The following SLCO1B1 variants were observed in gnomAD, a reference collection of about 807,000 sequenced individuals.
SLCO1B1 encodes the protein OATP-2.
Under a neutral mutation model 70.1 loss-of-function variants are expected in SLCO1B1, and 81 were observed. The observed-to-expected ratio is 1.16, with a 90% CI of 0.97 to 1.39. SLCO1B1 has a LOEUF of 1.39. SLCO1B1 is among the 40% of genes most tolerant of loss of function. The pLI is 0.00. For missense variants in SLCO1B1, 895 were observed against 799.6 expected (o/e 1.12, Z -1.44); for synonymous variants, 283 against 271.5 (o/e 1.04, Z -0.42).
At chr12:21,190,176 C>T (rs2121127951) in intron 7 of SLCO1B1, among the ~76,000 whole-genome samples, 1 of 152,302 alleles carries the variant, frequency 6.6e-6, no homozygotes, top group Non-Finnish European at 1.5e-5. Context: ...GGGAATTTAT[C>T]TAAATAGGCT....
At chr12:21,198,527 T>G (rs1356259985) in intron 8 of SLCO1B1, among the ~76,000 whole-genome samples, 1 of 152,032 alleles carries the variant, frequency 6.6e-6, no homozygotes, top group Non-Finnish European at 1.5e-5. Context: ...ATAATGAAGT[T>G]GTAAAAATAG....
rs190548318 is a variant in SLCO1B1 at position 21,175,769 on chromosome 12, C to T, written c.360-1007C>T. Among the ~76,000 whole-genome samples the T allele has an allele frequency of 4.3e-3, 652 of 151,990 alleles. 5 individuals carry two copies. The highest frequency in any genetic ancestry group is 0.011 in the South Asian group (53 of 4,812). ...TTTTCATCTGCTTTTGGCACCATAC[C>T]GTCAGAGTCCTCTAATTTCCTTTTT... On this transcript the variant is annotated intron_variant, in intron 4 of 14. Coordinates refer to ENST00000256958, the MANE Select transcript of SLCO1B1 (RefSeq NM_006446.5).
rs75066590 is a variant in SLCO1B1 at position 21,187,463 on chromosome 12, A to C, written c.727+8443A>C. Among the ~76,000 whole-genome samples, 1,166 of 152,228 alleles carry C rather than the reference A, an allele frequency of 7.7e-3. 14 individuals carry two copies. Among genetic ancestry groups the C allele is most frequent in the African/African-American group, 0.026 (1,083 of 41,576 alleles). On this transcript the variant is annotated intron_variant, in intron 7 of 14. Transcript: ENST00000256958. ...CACCTAGAAAGCCCATAAGTTCAAC[A>C]TCAAAGGCATTGTAGTGATCTATTT...
chr12:21,164,926 T>A (rs1399452177), intron 2 of SLCO1B1: 3 of 429,070 alleles, frequency 7.0e-6, no homozygotes, highest in Non-Finnish European at 1.4e-5. Context: ...TGCTGAAGAT[T>A]ATAATTTTCA....
chr12:21,157,870 G>A (rs1013605759), intron 2 of SLCO1B1, among the ~76,000 whole-genome samples: 2 of 152,246 alleles, frequency 1.3e-5, no homozygotes, highest in African/African-American at 4.8e-5. Flanking sequence ...ACAGTGCTGG[G>A]ATTACAGGCG....
intron 3 of SLCO1B1, among the ~76,000 whole-genome samples, chr12:21,173,226 C>T (rs1446297143): frequency 5.9e-5 from 9 of 152,178 alleles, no homozygotes; most frequent in Admixed American, 5.9e-4. Flanking sequence ...ACTGAGCACA[C>T]AAAAATCTTT....
At chr12:21,205,823 C>T (rs1201532005) in intron 10 of SLCO1B1, 45 bp from the exon 11 acceptor site, 7 of 1,402,704 alleles carry the variant, frequency 5.0e-6, no homozygotes, top group South Asian at 3.8e-5. Context: ...TTGTCTTTTT[C>T]TTCTCTCTCT....
intron 7 of SLCO1B1, among the ~76,000 whole-genome samples, chr12:21,180,109 T>G (rs1382481973): frequency 6.6e-6 from 1 of 152,110 alleles, no homozygotes; most frequent in Non-Finnish European, 1.5e-5. Flanking sequence ...TTCATCCATT[T>G]TCCCTCCTTA....
intron 2 of SLCO1B1, among the ~76,000 whole-genome samples, chr12:21,163,156 AT>A (rs1406386446): frequency 1.3e-5 from 2 of 152,262 alleles, no homozygotes; most frequent in Non-Finnish European, 2.9e-5. Context: ...TATTTTAATT[AT>A]ACTTATTTAC....
At chr12:21,149,627 G>A (rs1196355229) in intron 2 of SLCO1B1, among the ~76,000 whole-genome samples, 1 of 152,100 alleles carries the variant, frequency 6.6e-6, no homozygotes, top group Non-Finnish European at 1.5e-5. Flanking sequence ...CCTAGCCAAG[G>A]GAAGCCACGA....
chr12:21,168,769 A>G (rs991199336), intron 2 of SLCO1B1, among the ~76,000 whole-genome samples: 4 of 152,124 alleles, frequency 2.6e-5, no homozygotes, highest in Non-Finnish European at 5.9e-5. Context: ...AAGTCCATAT[A>G]TTCTAGATAT....
chr12:21,224,926 A>G, intron 14 of SLCO1B1, 87 bp downstream of exon 14: 1 of 697,300 alleles, frequency 1.4e-6, no homozygotes. Flanking sequence ...AATAATATTA[A>G]TAATGATAGC....
rs946612112 is a variant in SLCO1B1 at position 21,186,268 on chromosome 12, A to G, written c.727+7248A>G. Among the ~76,000 whole-genome samples, 4 of 152,122 alleles carry G rather than the reference A, an allele frequency of 2.6e-5. 1 individual carries two copies. The South Asian group carries it at 8.3e-4, about 31-fold the overall frequency. ...TACTATTAAAGCATAACTTTATACAATTGACTGTAATATATACGTTACTGC... is the reference window on the plus strand; with the variant it reads ...TACTATTAAAGCATAACTTTATACAGTTGACTGTAATATATACGTTACTGC... On this transcript the variant is annotated intron_variant, in intron 7 of 14. Transcript: ENST00000256958.
At chr12:21,183,158 T>G (rs552182184) in intron 7 of SLCO1B1, among the ~76,000 whole-genome samples, 1 of 152,340 alleles carries the variant, frequency 6.6e-6, no homozygotes, top group South Asian at 2.1e-4. Flanking sequence ...CAGCCATTAC[T>G]CTTAAGCACC....
chr12:21,155,826 A>G (rs1021441806), intron 2 of SLCO1B1, among the ~76,000 whole-genome samples: 2 of 152,164 alleles, frequency 1.3e-5, no homozygotes, highest in African/African-American at 4.8e-5. Context: ...TACTGCAGAA[A>G]TACTGAGGGG....
At chr12:21,152,850 C>A (rs1940492572) in intron 2 of SLCO1B1, among the ~76,000 whole-genome samples, 1 of 152,108 alleles carries the variant, frequency 6.6e-6, no homozygotes, top group Admixed American at 6.6e-5. Context: ...ACTGAAAGAA[C>A]AAGATAATTT....
Position 21,178,985 on chromosome 12 carries a change from C to T in SLCO1B1, c.692C>T (p.Ser231Phe). The T allele has an allele frequency of 1.2e-6, 2 of 1,610,978 alleles. No individual in the cohort carries two copies. The highest frequency in any genetic ancestry group is 1.7e-6 in the Non-Finnish European group (2 of 1,177,608). ...IIGFTLGSLF[S>F]KMYVDIGYVD... ...GGCTTTACCCTGGGATCTCTGTTTT[C>T]TAAAATGTACGTGGATATTGGATAT... Residue 231 changes from serine to phenylalanine, a missense_variant, in exon 7 of 15, where the codon TCT becomes TTT. Physicochemically the swap from Ser to Phe is radical, Grantham distance 155. Coordinates refer to ENST00000256958, the MANE Select transcript of SLCO1B1 (RefSeq NM_006446.5).
intron 7 of SLCO1B1, among the ~76,000 whole-genome samples, chr12:21,187,801 T>C (rs1469615480): frequency 6.6e-6 from 1 of 152,074 alleles, no homozygotes; most frequent in Non-Finnish European, 1.5e-5. Context: ...AGATTATGGA[T>C]ATGGAAGAAA....
chr12:21,178,565 T>C lies in SLCO1B1; in HGVS notation c.482-11T>C, dbSNP rs74541382. The C allele has an allele frequency of 1.0e-3, 1,618 of 1,582,420 alleles. 18 individuals are homozygous for C. In the African/African-American group the frequency reaches 0.019, roughly 18 times the overall value. On this transcript the variant is annotated splice_polypyrimidine_tract_variant and intron_variant, in intron 5 of 14. Transcript: ENST00000256958. Reference sequence around the variant, plus strand: ...TAATGTTTAAAATGAAACACTCTCTTATCTACATAGGTTGTTTAAAGGAAT... The same window carrying C: ...TAATGTTTAAAATGAAACACTCTCTCATCTACATAGGTTGTTTAAAGGAAT...
Sources: allele counts gnomAD v4.1 joint callset (sites outside exome capture counted in the v4.1 genomes callset), GRCh38; gene constraint gnomAD v4.1.1; transcripts MANE v1.5; gene names NCBI Gene and HGNC (gene_info 2026-07-23, HGNC 2026-07-21).